The following SPATS2 variants were observed in gnomAD, a reference collection of about 807,000 sequenced individuals.
SPATS2 encodes the protein spermatogenesis-associated serine-rich protein 2.
In SPATS2, 38 loss-of-function variants were observed where a neutral mutation model predicts 63.7. The ratio of observed to expected loss-of-function variants is 0.60; its 90% confidence interval spans 0.46 to 0.78. The LOEUF (loss-of-function observed/expected upper bound fraction) is 0.78, where lower values mean the gene tolerates loss of function less well. Ranked by LOEUF, SPATS2 falls within the 30% of genes least tolerant of loss-of-function variation. The pLI is 0.00. For synonymous variants in SPATS2, 207 were observed against 232.9 expected, an observed-to-expected ratio of 0.89 and a Z score of 1.01; for missense variants, 588 against 666.2, an observed-to-expected ratio of 0.88 and a Z score of 1.29.
intron 3 of SPATS2, among the ~76,000 whole-genome samples, chr12:49,476,189 G>A (rs1195712376): frequency 1.3e-5 from 2 of 152,154 alleles, no homozygotes; most frequent in Admixed American, 1.3e-4. Flanking sequence ...AGAGGAGCAC[G>A]TCAGGGGAGG....
At chr12:49,510,472 G>A (rs1946733709) in intron 9 of SPATS2, among the ~76,000 whole-genome samples, 1 of 151,210 alleles carries the variant, frequency 6.6e-6, no homozygotes, top group South Asian at 2.1e-4. Context: ...GCTGAGGCGG[G>A]AGGATTGCTT....
At chr12:49,376,326 C>T (rs1352200606) in intron 2 of SPATS2, among the ~76,000 whole-genome samples, 1 of 151,826 alleles carries the variant, frequency 6.6e-6, no homozygotes, top group Non-Finnish European at 1.5e-5. Flanking sequence ...TGGTCTTGAA[C>T]TCCTGACCTC....
At chr12:49,433,562 T>C (rs1349767597) in intron 2 of SPATS2, among the ~76,000 whole-genome samples, 1 of 152,238 alleles carries the variant, frequency 6.6e-6, no homozygotes, top group African/African-American at 2.4e-5. Context: ...TCTTTTCACG[T>C]GTTTGGTGAC....
At chr12:49,515,062 C>T (rs922763297) in intron 10 of SPATS2, among the ~76,000 whole-genome samples, 3 of 152,140 alleles carry the variant, frequency 2.0e-5, no homozygotes, top group Non-Finnish European at 4.4e-5. Flanking sequence ...ATAGAACAGT[C>T]TTCACTCAGT....
chr12:49,418,243 T>C (rs2137402787), intron 2 of SPATS2, among the ~76,000 whole-genome samples: 1 of 151,732 alleles, frequency 6.6e-6, no homozygotes. Flanking sequence ...GCCTCCTGAG[T>C]AGCTAGGACT....
In SPATS2 at chr12:49,489,533, T is replaced by TGATAACTG. The variant is rs1436947980; in HGVS notation, c.175_182dup (p.Cys61TrpfsTer26). Reference sequence around the variant, plus strand: ...AAATTATCCTGGTTTTGCAGCACTTTGATAACTGTGTGGACAAAACAGTAC... The same window carrying TGATAACTG: ...AAATTATCCTGGTTTTGCAGCACTTTGATAACTGGATAACTGTGTGGACAAAACAGTAC... On this transcript the variant is annotated frameshift_variant, in exon 5 of 14. Transcript: ENST00000552918. LOFTEE classifies it high-confidence loss of function. 1.9e-6 allele frequency: 3 copies of TGATAACTG among 1,613,936 alleles called. No individual in the cohort carries two copies. The highest frequency in any genetic ancestry group is 2.2e-5 in the South Asian group (2 of 91,070).
chr12:49,453,856 CTTTTTTTTTTTTT>C (rs869155580), intron 2 of SPATS2, among the ~76,000 whole-genome samples: 2 of 76,196 alleles, frequency 2.6e-5, no homozygotes, highest in African/African-American at 1.1e-4. Context: ...AAATAGCATT[CTTTTTTTTTTTTT>C]TTTTTTTTTT....
intron 3 of SPATS2, among the ~76,000 whole-genome samples, chr12:49,477,622 C>A (rs1283915940): frequency 1.3e-5 from 2 of 151,916 alleles, no homozygotes; most frequent in African/African-American, 4.8e-5. Flanking sequence ...ACAAAGATGG[C>A]GTTACTCTTA....
intron 2 of SPATS2, among the ~76,000 whole-genome samples, chr12:49,407,013 G>A (rs142102091): frequency 6.6e-6 from 1 of 152,228 alleles, no homozygotes; most frequent in African/African-American, 2.4e-5. Context: ...GTGTCTCCAC[G>A]CCTCTTTCAT....
intron 2 of SPATS2, among the ~76,000 whole-genome samples, chr12:49,450,846 T>TTTTTGTTTTG (rs1285045242): frequency 6.7e-6 from 1 of 148,992 alleles, no homozygotes; most frequent in Non-Finnish European, 1.5e-5. Flanking sequence ...GTCAGCCTAT[T>TTTTTGTTTTG]TTTTGTTTTG....
chr12:49,482,761 A>G (rs763228955), intron 3 of SPATS2, among the ~76,000 whole-genome samples: 5 of 152,022 alleles, frequency 3.3e-5, no homozygotes, highest in Admixed American at 6.6e-5. Context: ...ATTTTGGCCA[A>G]TAATTGAGTG....
intron 9 of SPATS2, 114 bp downstream of exon 9, chr12:49,500,319 A>T: frequency 8.4e-7 from 1 of 1,193,208 alleles, no homozygotes; most frequent in Non-Finnish European, 1.2e-6. Flanking sequence ...AGTAGGAGAG[A>T]CTTATAAATC....
At chr12:49,390,074 C>A (rs1944393506) in intron 2 of SPATS2, 1 of 1,204,092 alleles carries the variant, frequency 8.3e-7, no homozygotes, top group Non-Finnish European at 1.2e-6. Flanking sequence ...ACTCGAGAAT[C>A]ACTTTTGAAC....
chr12:49,472,611 T>TATATA (rs1565739194), intron 3 of SPATS2, among the ~76,000 whole-genome samples: 14 of 145,122 alleles, frequency 9.6e-5, no homozygotes, highest in African/African-American at 3.5e-4. Flanking sequence ...TTTATATATT[T>TATATA]TATATATATA....
At chr12:49,436,609 G>A (rs1239558119) in intron 2 of SPATS2, among the ~76,000 whole-genome samples, 7 of 125,404 alleles carry the variant, frequency 5.6e-5, no homozygotes, top group Non-Finnish European at 5.2e-5. Flanking sequence ...GCCGGGGGCT[G>A]ACCCCCCCAC....
At chr12:49,501,743 G>A (rs1164229792) in intron 9 of SPATS2, among the ~76,000 whole-genome samples, 2 of 151,962 alleles carry the variant, frequency 1.3e-5, no homozygotes, top group African/African-American at 4.8e-5. Context: ...GCCTCCCGGA[G>A]TAGCTGGGAC....
At chr12:49,446,932 CTTT>C (rs568526407) in intron 2 of SPATS2, among the ~76,000 whole-genome samples, 1 of 142,844 alleles carries the variant, frequency 7.0e-6, no homozygotes. Context: ...CTTTTCTTTT[CTTT>C]TTTTTTTTTT....
At chr12:49,490,578 G>A in intron 5 of SPATS2, 104 bp from the exon 6 acceptor site, 1 of 1,061,982 alleles carries the variant, frequency 9.4e-7, no homozygotes, top group Non-Finnish European at 1.4e-6. Flanking sequence ...TCTGTTAGGA[G>A]CTTTGTAAAT....
chr12:49,436,298 G>A (rs1225876779), intron 2 of SPATS2, among the ~76,000 whole-genome samples: 1 of 144,432 alleles, frequency 6.9e-6, no homozygotes, highest in Non-Finnish European at 1.5e-5. Flanking sequence ...CCTCCCGGAT[G>A]GGGCGGCTGG....
Sources: gnomAD v4.1 joint callset for allele counts (sites outside exome capture counted in the v4.1 genomes callset) on GRCh38, gnomAD v4.1.1 for gene constraint, MANE v1.5 for transcripts, NCBI Gene and HGNC (gene_info 2026-07-23, HGNC 2026-07-21) for gene names.